EPHA4: variants seen among roughly 807,000 people sequenced by gnomAD.
EPHA4 encodes the protein EPH receptor A4.
In EPHA4, 19 loss-of-function variants were observed where a neutral mutation model predicts 108.3. The ratio of observed to expected loss-of-function variants is 0.18; its 90% CI spans 0.12 to 0.26. The LOEUF (loss-of-function observed/expected upper bound fraction) is 0.26. EPHA4 is among the 10% of genes least tolerant of loss of function. The probability of loss-of-function intolerance (pLI) is 1.00; values close to 1 mark genes in which losing one functional copy is unlikely to be tolerated. For synonymous variants in EPHA4, 449 were observed against 455.5 expected (o/e 0.99, Z 0.18); for missense variants, 917 against 1,254.0 (o/e 0.73, Z 4.06).
At chr2:221,444,060 A>C (rs1690513645) in intron 9 of EPHA4, among the ~76,000 whole-genome samples, 1 of 152,262 alleles carries the variant, frequency 6.6e-6, no homozygotes, top group African/African-American at 2.4e-5. Flanking sequence ...GATGAATTAA[A>C]TATGTGACCA....
At chr2:221,538,167 A>T (rs1467828610) in intron 3 of EPHA4, among the ~76,000 whole-genome samples, 2 of 152,204 alleles carry the variant, frequency 1.3e-5, no homozygotes, top group East Asian at 3.8e-4. Flanking sequence ...TAGGGTTATA[A>T]GTCTTCTGTT....
At chr2:221,429,841 T>C (rs1165365031) in intron 15 of EPHA4, 117 bp downstream of exon 15, 15 of 1,066,524 alleles carry the variant, frequency 1.4e-5, no homozygotes, top group Non-Finnish European at 2.1e-5. Flanking sequence ...GCCACCCAGG[T>C]TGCAGAGAGC....
chr2:221,529,628 A>C (rs933796136), intron 3 of EPHA4, among the ~76,000 whole-genome samples: 2 of 152,222 alleles, frequency 1.3e-5, no homozygotes, highest in Non-Finnish European at 2.9e-5. Flanking sequence ...GGTCATTATC[A>C]CATGTTATCT....
At chr2:221,567,881 G>T (rs1466214465) in intron 2 of EPHA4, among the ~76,000 whole-genome samples, 1 of 152,204 alleles carries the variant, frequency 6.6e-6, no homozygotes, top group Non-Finnish European at 1.5e-5. Context: ...AAGGTAGGAT[G>T]ATTTGTTTAA....
At chr2:221,555,971 C>G (rs570028855) in intron 3 of EPHA4, among the ~76,000 whole-genome samples, 183 of 152,286 alleles carry the variant, frequency 1.2e-3, no homozygotes, top group African/African-American at 4.2e-3. Flanking sequence ...TCTCCATGAC[C>G]TGCAGAAGTG....
chr2:221,420,672 T>C (rs1438761538), intron 17 of EPHA4, 120 bp from the exon 18 acceptor site: 1 of 152,172 alleles, frequency 6.6e-6, no homozygotes, highest in African/African-American at 2.4e-5. Context: ...TCAGTAAAAG[T>C]AGTTCAGTGG....
chr2:221,507,593 T>C (rs1692670538), intron 3 of EPHA4, among the ~76,000 whole-genome samples: 2 of 152,248 alleles, frequency 1.3e-5, no homozygotes, highest in East Asian at 1.9e-4. Context: ...ACTAAGTTCA[T>C]GAAACAACTA....
At chr2:221,567,186 G>A (rs931449170) in intron 2 of EPHA4, among the ~76,000 whole-genome samples, 6 of 151,992 alleles carry the variant, frequency 3.9e-5, no homozygotes, top group African/African-American at 1.5e-4. Context: ...AAACTTAAAA[G>A]CAGCCAGTAA....
chr2:221,507,537 A>G (rs1330742537), intron 3 of EPHA4, among the ~76,000 whole-genome samples: 1 of 152,094 alleles, frequency 6.6e-6, no homozygotes, highest in African/African-American at 2.4e-5. Flanking sequence ...GTTTTTGTCT[A>G]TGAAATGAAA....
At chr2:221,432,488 T>C (rs889887625) in intron 14 of EPHA4, among the ~76,000 whole-genome samples, 2 of 152,182 alleles carry the variant, frequency 1.3e-5, no homozygotes, top group African/African-American at 4.8e-5. Flanking sequence ...TTACTATCAC[T>C]TAGGCTAGCT....
intron 3 of EPHA4, among the ~76,000 whole-genome samples, chr2:221,548,899 T>C (rs1229055141): frequency 6.6e-6 from 1 of 152,176 alleles, no homozygotes; most frequent in African/African-American, 2.4e-5. Flanking sequence ...AGGGCAGGTT[T>C]TGGCCTGTCA....
At chr2:221,426,746 T>C in intron 15 of EPHA4, 127 bp from the exon 16 acceptor site, 1 of 829,986 alleles carries the variant, frequency 1.2e-6, no homozygotes, top group Non-Finnish European at 1.9e-6. Flanking sequence ...AATGGAACAA[T>C]TGTTGTTAAA....
At chr2:221,424,714 T>C (rs1190423247) in intron 17 of EPHA4, among the ~76,000 whole-genome samples, 1 of 152,194 alleles carries the variant, frequency 6.6e-6, no homozygotes, top group Non-Finnish European at 1.5e-5. Context: ...TGTTTGGGGA[T>C]GGAGTTTCCT....
intron 5 of EPHA4, among the ~76,000 whole-genome samples, chr2:221,469,828 A>C (rs1238078327): frequency 1.3e-5 from 2 of 152,170 alleles, no homozygotes; most frequent in Non-Finnish European, 2.9e-5. Context: ...GAATCCCATT[A>C]GTCATCTTCC....
intron 4 of EPHA4, among the ~76,000 whole-genome samples, chr2:221,483,559 A>G (rs999434843): frequency 6.7e-6 from 1 of 149,278 alleles, no homozygotes; most frequent in Non-Finnish European, 1.5e-5. Flanking sequence ...TCTGTCACCC[A>G]GGCTGGAGTG....
Position 221,426,007 on chromosome 2 carries a change from T to C in EPHA4, c.*21A>G. 6.2e-7 allele frequency: 1 copy of C among 1,605,114 alleles called. No homozygotes were observed. Among genetic ancestry groups the C allele is most frequent in the Non-Finnish European group, 8.5e-7 (1 of 1,172,080 alleles). On this transcript the variant is annotated 3_prime_UTR_variant, in exon 17 of 18. Transcript: ENST00000281821. The stretch of plus-strand genomic sequence containing the variant: ...ATGAGGTAAACTAATTTCAAGAGTT[T>C]TGAGTTTATTCAGTACTGGCTCAGA...
intron 8 of EPHA4, among the ~76,000 whole-genome samples, chr2:221,448,863 A>C (rs1220388154): frequency 6.6e-6 from 1 of 152,194 alleles, no homozygotes; most frequent in Non-Finnish European, 1.5e-5. Flanking sequence ...CCTGGAATAT[A>C]CCATAGAAAC....
At chr2:221,470,319 C>T (rs1038992561) in intron 5 of EPHA4, among the ~76,000 whole-genome samples, 1 of 130,584 alleles carries the variant, frequency 7.7e-6, no homozygotes, top group African/African-American at 2.9e-5. Context: ...GGGAGAGAGA[C>T]AGAGAGAGAA....
At chr2:221,454,809 T>A (rs2106116182) in intron 8 of EPHA4, among the ~76,000 whole-genome samples, 1 of 152,338 alleles carries the variant, frequency 6.6e-6, no homozygotes, top group South Asian at 2.1e-4. Flanking sequence ...CTTTTTAGGT[T>A]ATTTTTTAAG....
Sources: allele counts gnomAD v4.1 joint callset (sites outside exome capture counted in the v4.1 genomes callset), GRCh38; gene constraint gnomAD v4.1.1; transcripts MANE v1.5; gene names NCBI Gene and HGNC (gene_info 2026-07-23, HGNC 2026-07-21).